Variants in BANK1 observed in about 807,000 individuals in gnomAD.
BANK1 encodes B cell scaffold protein with ankyrin repeats 1, also known as B-cell scaffold protein with ankyrin repeats.
BANK1 carries 95 observed loss-of-function variants against 94.5 expected under a neutral mutation model. The observed-to-expected ratio is 1.00, with a 90% CI of 0.85 to 1.19. The LOEUF is 1.19. BANK1 is among the 50% of genes most tolerant of loss of function. The pLI, the probability that BANK1 is intolerant of heterozygous loss-of-function variation, is 0.00. For missense variants in BANK1, 987 were observed against 932.2 expected (o/e 1.06, Z -0.77); for synonymous variants, 334 against 308.4 (o/e 1.08, Z -0.87).
chr4:101,912,262 C>T (rs1353641745), intron 6 of BANK1, among the ~76,000 whole-genome samples: 1 of 152,090 alleles, frequency 6.6e-6, no homozygotes, highest in East Asian at 1.9e-4. Context: ...ACCTCCCTCC[C>T]CTTTCTAAAA....
rs1374277500 is a variant in BANK1, at chr4:101,874,394, G to A, written c.903+3750G>A. On this transcript the variant is annotated intron_variant, in intron 5 of 16. Transcript: ENST00000322953. ...GTTGTCTCCCTTAATGAATTCTTCA[G>A]GAGATTCTTCCCATCGAGAGATACT... 5.3e-5 allele frequency among the ~76,000 whole-genome samples: 8 copies of A among 152,122 alleles called. No homozygotes were observed. The East Asian group carries it at 1.5e-3, about 29-fold the overall frequency.
At chr4:102,032,777 C>T (rs1314657258) in intron 10 of BANK1, among the ~76,000 whole-genome samples, 1 of 151,902 alleles carries the variant, frequency 6.6e-6, no homozygotes, top group Non-Finnish European at 1.5e-5. Context: ...GTCAGCTACT[C>T]AGGAGGCTGA....
chr4:102,010,270 C>A, intron 7 of BANK1, among the ~76,000 whole-genome samples: 1 of 151,880 alleles, frequency 6.6e-6, no homozygotes, highest in East Asian at 1.9e-4. Flanking sequence ...ATCTCAAAAA[C>A]AAACAAACAA....
At chr4:101,873,007 A>AG (rs1560611030) in intron 5 of BANK1, among the ~76,000 whole-genome samples, 2 of 151,276 alleles carry the variant, frequency 1.3e-5, no homozygotes, top group African/African-American at 2.4e-5. Flanking sequence ...AGAAAAAAAA[A>AG]AAAAGAAAAG....
At chr4:101,893,868 T>C (rs560640083) in intron 5 of BANK1, among the ~76,000 whole-genome samples, 1 of 152,100 alleles carries the variant, frequency 6.6e-6, no homozygotes, top group South Asian at 2.1e-4. Flanking sequence ...TGCAAACTTA[T>C]CAGGTGTTCA....
At chr4:101,958,982 G>C (rs920036840) in intron 7 of BANK1, among the ~76,000 whole-genome samples, 2 of 152,120 alleles carry the variant, frequency 1.3e-5, no homozygotes, top group Admixed American at 6.5e-5. Flanking sequence ...CTTGCGGATG[G>C]TCCTGTAAAA....
intron 10 of BANK1, among the ~76,000 whole-genome samples, chr4:102,035,361 C>T (rs1727466937): frequency 6.6e-6 from 1 of 152,120 alleles, no homozygotes; most frequent in African/African-American, 2.4e-5. Flanking sequence ...AAACTGAACC[C>T]ATGTTGGCCA....
chr4:101,956,590 A>G (rs959507427), intron 7 of BANK1, among the ~76,000 whole-genome samples: 15 of 152,180 alleles, frequency 9.9e-5, no homozygotes, highest in African/African-American at 3.4e-4. Flanking sequence ...CTTGAGGATG[A>G]TATCCAGACT....
Position 102,074,753 on chromosome 4 carries a change from A to AAAG in BANK1, c.*755_*757dup, listed in dbSNP as rs1268051510. The AAAG allele has an allele frequency of 6.6e-6, 1 of 150,764 alleles. No individual in the cohort carries two copies. Among genetic ancestry groups the AAAG allele is most frequent in the Non-Finnish European group, 1.5e-5 (1 of 67,434 alleles). 9.3% of individuals were successfully genotyped at this position (150,764 alleles called of 1,614,324 possible). On this transcript the variant is annotated 3_prime_UTR_variant, in exon 17 of 17. Transcript: ENST00000322953. ...TGTTTAAAGCTATGTCTGAGTTTTT[A>AAAG]AAGTAAATTTATAAGAATTAGCCAA... is the stretch of plus-strand genomic sequence containing the variant.
intron 3 of BANK1, among the ~76,000 whole-genome samples, chr4:101,858,478 C>G (rs1727759285): frequency 6.6e-6 from 1 of 152,136 alleles, no homozygotes; most frequent in African/African-American, 2.4e-5. Context: ...AGCTTATTTT[C>G]TTTATCTCTT....
chr4:101,829,702 A>T, intron 1 of BANK1, 106 bp from the exon 2 acceptor site: 1 of 623,250 alleles, frequency 1.6e-6, no homozygotes, highest in Non-Finnish European at 2.5e-6. Flanking sequence ...CTCTGGTATA[A>T]GCAAATTAAT....
intron 7 of BANK1, among the ~76,000 whole-genome samples, chr4:101,929,043 C>G (rs1324269489): frequency 1.3e-5 from 2 of 151,682 alleles, no homozygotes; most frequent in Non-Finnish European, 3.0e-5. Flanking sequence ...TTTATGGTCT[C>G]ACTTCTTGAA....
intron 7 of BANK1, among the ~76,000 whole-genome samples, chr4:101,971,866 C>T (rs1438587513): frequency 6.6e-6 from 1 of 151,990 alleles, no homozygotes; most frequent in Non-Finnish European, 1.5e-5. Flanking sequence ...CTTGCCAGTG[C>T]CGTGCTGTTT....
At chr4:101,822,359 A>C (rs1244210032) in intron 1 of BANK1, among the ~76,000 whole-genome samples, 1 of 151,262 alleles carries the variant, frequency 6.6e-6, no homozygotes, top group African/African-American at 2.4e-5. Context: ...GTGAGACCTC[A>C]GAAAAAAAGA....
At chr4:101,862,463 T>C in intron 3 of BANK1, 63 bp from the exon 4 acceptor site, 1 of 1,358,894 alleles carries the variant, frequency 7.4e-7, no homozygotes, top group Non-Finnish European at 1.0e-6. Context: ...AGAAATGTAA[T>C]GGGTTCTTTG....
At chr4:102,027,928 T>C (rs1011693114) in intron 9 of BANK1, among the ~76,000 whole-genome samples, 2 of 152,132 alleles carry the variant, frequency 1.3e-5, no homozygotes, top group Middle Eastern at 3.2e-3. Context: ...GCTATTAGGA[T>C]TTTTCTCTTT....
In BANK1 at chr4:101,836,867, T is replaced by C. The variant is rs558911614; in HGVS notation, c.469+6661T>C. On this transcript the variant is annotated intron_variant, in intron 2 of 16. Transcript: ENST00000322953. ...TAATCCAAAGCCATCGGCTCGGCAC[T>C]ATCCCAGAGCTTTCCCCATCTTCTA... Among the ~76,000 whole-genome samples the C allele has an allele frequency of 2.0e-5, 3 of 152,322 alleles. No homozygotes were observed. The East Asian group carries it at 5.8e-4, about 29-fold the overall frequency.
intron 11 of BANK1, among the ~76,000 whole-genome samples, chr4:102,044,388 TC>T (rs1309748833): frequency 6.6e-6 from 1 of 152,240 alleles, no homozygotes; most frequent in East Asian, 1.9e-4. Context: ...TGCATAGTAT[TC>T]CACTGTGTGT....
chr4:101,989,056 G>A (rs758514943), intron 7 of BANK1, among the ~76,000 whole-genome samples: 1 of 152,022 alleles, frequency 6.6e-6, no homozygotes, highest in Non-Finnish European at 1.5e-5. Context: ...GGCCACAATG[G>A]CACCCACCTG....
Sources: gnomAD v4.1 joint callset for allele counts (sites outside exome capture counted in the v4.1 genomes callset) on GRCh38, gnomAD v4.1.1 for gene constraint, MANE v1.5 for transcripts, NCBI Gene and HGNC (gene_info 2026-07-23, HGNC 2026-07-21) for gene names.